The following MRTFA variants were observed in gnomAD, a reference collection of about 807,000 sequenced individuals.
MRTFA encodes myocardin-related transcription factor A.
Under a neutral mutation model 83.5 loss-of-function variants are expected in MRTFA, and 20 were observed. The observed-to-expected ratio is 0.24, with a 90% CI of 0.17 to 0.35. MRTFA has a LOEUF of 0.35. Ranked by LOEUF, MRTFA falls within the 10% of genes least tolerant of loss-of-function variation. The pLI is 1.00. For missense variants in MRTFA, 1,200 were observed against 1,224.7 expected, an observed-to-expected ratio of 0.98 and a Z score of 0.30; for synonymous variants, 659 against 541.2, an observed-to-expected ratio of 1.22 and a Z score of -3.02.
intron 3 of MRTFA, among the ~76,000 whole-genome samples, chr22:40,504,181 G>C (rs1410294078): frequency 6.6e-6 from 1 of 151,844 alleles, no homozygotes; most frequent in African/African-American, 2.4e-5. Flanking sequence ...CTTTGTGGCT[G>C]AAAAAAAATT....
chr22:40,531,047 T>C (rs779594573), intron 3 of MRTFA, among the ~76,000 whole-genome samples: 1 of 152,142 alleles, frequency 6.6e-6, no homozygotes, highest in Non-Finnish European at 1.5e-5. Context: ...GGAAGACATA[T>C]ACATCTGGCT....
intron 2 of MRTFA, among the ~76,000 whole-genome samples, chr22:40,593,501 G>C (rs1456617919): frequency 6.6e-6 from 1 of 151,972 alleles, no homozygotes; most frequent in Non-Finnish European, 1.5e-5. Context: ...TATAAAAGTA[G>C]AACAATAGAA....
chr22:40,542,540 G>T (rs2055308181), intron 3 of MRTFA, among the ~76,000 whole-genome samples: 1 of 152,010 alleles, frequency 6.6e-6, no homozygotes, highest in Non-Finnish European at 1.5e-5. Flanking sequence ...TAAGTGCTAA[G>T]ATCTTAATAA....
At chr22:40,447,250 A>G (rs2053397040) in intron 4 of MRTFA, among the ~76,000 whole-genome samples, 1 of 151,620 alleles carries the variant, frequency 6.6e-6, no homozygotes, top group African/African-American at 2.4e-5. Flanking sequence ...TATTTGGGGG[A>G]GCCGAGGCAG....
chr22:40,411,967 A>AAAAG (rs1383052285), intron 14 of MRTFA, 60 bp from the exon 15 acceptor site: 13 of 1,371,226 alleles, frequency 9.5e-6, no homozygotes, highest in Non-Finnish European at 1.2e-5. Context: ...ATCTACATGC[A>AAAAG]AAAGAATGAA....
chr22:40,600,843 T>C (rs568138137), intron 1 of MRTFA, among the ~76,000 whole-genome samples: 1 of 152,012 alleles, frequency 6.6e-6, no homozygotes, highest in African/African-American at 2.4e-5. Context: ...CCGGCCGTGG[T>C]GGCACACGCC....
intron 3 of MRTFA, among the ~76,000 whole-genome samples, chr22:40,502,553 C>T (rs2054510315): frequency 6.9e-6 from 1 of 144,406 alleles, no homozygotes; most frequent in Admixed American, 6.8e-5. Context: ...GGCGGAGACG[C>T]TCCTCACTTT....
At chr22:40,491,259 T>C (rs1056046972) in intron 3 of MRTFA, among the ~76,000 whole-genome samples, 5 of 152,088 alleles carry the variant, frequency 3.3e-5, no homozygotes, top group Non-Finnish European at 7.4e-5. Flanking sequence ...GGAGAATCAC[T>C]TGGGCCCAGG....
At position 40,410,450 on chromosome 22, in the gene MRTFA, TGAAGCTGGGCCC is replaced by T. The variant is rs761781689; in HGVS notation, c.*928_*939del. 38 of 233,158 alleles carry T rather than the reference TGAAGCTGGGCCC, an allele frequency of 1.6e-4. No individual in the cohort carries two copies. Among genetic ancestry groups the T allele is most frequent in the Non-Finnish European group, 2.6e-4 (31 of 117,912 alleles). 14.4% of individuals were successfully genotyped at this position (233,158 alleles called of 1,614,324 possible). ...GCCACCCCTCAGCCCCACCGCAGGG[TGAAGCTGGGCCC>T]GAAGCTCCTCCTGTCCTAGGGCCAC... is the stretch of plus-strand genomic sequence containing the variant. On this transcript the variant is annotated 3_prime_UTR_variant, in exon 15 of 15. Transcript: ENST00000355630.
At chr22:40,495,891 C>G (rs1326338980) in intron 3 of MRTFA, among the ~76,000 whole-genome samples, 1 of 151,138 alleles carries the variant, frequency 6.6e-6, no homozygotes, top group Admixed American at 6.6e-5. Flanking sequence ...CATGGTGAAA[C>G]TCGGTCTCTA....
chr22:40,432,820 T>C (rs908450161), intron 5 of MRTFA, among the ~76,000 whole-genome samples: 2 of 152,176 alleles, frequency 1.3e-5, no homozygotes, highest in Non-Finnish European at 2.9e-5. Context: ...TCTGGCTCTA[T>C]CACCCCACGT....
intron 3 of MRTFA, among the ~76,000 whole-genome samples, chr22:40,474,140 A>C (rs937715259): frequency 1.3e-5 from 2 of 152,228 alleles, no homozygotes; most frequent in Non-Finnish European, 2.9e-5. Flanking sequence ...TTTTTGCACC[A>C]ACATAATACT....
chr22:40,577,029 C>T (rs1422040167), intron 2 of MRTFA, among the ~76,000 whole-genome samples: 1 of 151,952 alleles, frequency 6.6e-6, no homozygotes, highest in Non-Finnish European at 1.5e-5. Flanking sequence ...TTGAGACCAG[C>T]CTGGGCAACA....
chr22:40,490,470 G>C (rs1000595038), intron 3 of MRTFA, among the ~76,000 whole-genome samples: 5 of 151,962 alleles, frequency 3.3e-5, no homozygotes, highest in African/African-American at 7.3e-5. Flanking sequence ...ATGGTGGTGG[G>C]TACCTGTAGT....
chr22:40,459,782 T>TACACAC (rs745698441), intron 4 of MRTFA, among the ~76,000 whole-genome samples: 1,083 of 88,850 alleles, frequency 0.012, 12 homozygotes, highest in Middle Eastern at 0.026. Context: ...TGATAAAATA[T>TACACAC]ACACACACAC....
At chr22:40,563,078 A>T (rs1338518698) in intron 2 of MRTFA, among the ~76,000 whole-genome samples, 2 of 152,156 alleles carry the variant, frequency 1.3e-5, no homozygotes, top group Non-Finnish European at 2.9e-5. Context: ...TAACAATATA[A>T]CACTGCCTCT....
chr22:40,622,508 GCTC>G (rs903838999), intron 1 of MRTFA, among the ~76,000 whole-genome samples: 2 of 146,706 alleles, frequency 1.4e-5, no homozygotes, highest in African/African-American at 4.9e-5. Flanking sequence ...ATCCAGGTGG[GCTC>G]TAAGTCCAAT....
chr22:40,608,475 T>C (rs1303672415), intron 1 of MRTFA, among the ~76,000 whole-genome samples: 1 of 152,238 alleles, frequency 6.6e-6, no homozygotes, highest in East Asian at 1.9e-4. Flanking sequence ...TTTTAAATAA[T>C]AGCTGCCACT....
At chr22:40,441,508 G>A (rs752763010) in intron 4 of MRTFA, among the ~76,000 whole-genome samples, 2 of 152,118 alleles carry the variant, frequency 1.3e-5, no homozygotes, top group Non-Finnish European at 2.9e-5. Flanking sequence ...ATCCAGGCTG[G>A]GCGCAGTGGC....
Sources: allele counts gnomAD v4.1 joint callset (sites outside exome capture counted in the v4.1 genomes callset), GRCh38; gene constraint gnomAD v4.1.1; transcripts MANE v1.5; gene names NCBI Gene and HGNC (gene_info 2026-07-23, HGNC 2026-07-21).